The following GSE1 variants were observed in gnomAD, a reference collection of about 807,000 sequenced individuals.
The protein encoded by GSE1 is Gse1 coiled-coil protein.
A neutral mutation model predicts 112.6 loss-of-function variants in GSE1; 32 were observed. The ratio of observed to expected loss-of-function variants is 0.28; its 90% confidence interval spans 0.21 to 0.38. GSE1 has a LOEUF of 0.38. Ranked by LOEUF, GSE1 falls within the 10% of genes least tolerant of loss-of-function variation. GSE1 has a pLI of 1.00. For missense variants in GSE1, 2,348 were observed against 1,699.2 expected, an observed-to-expected ratio of 1.38 and a Z score of -6.71; for synonymous variants, 1,115 against 735.6, an observed-to-expected ratio of 1.52 and a Z score of -8.35.
At chr16:85,243,484 G>A (rs1419747923) in intron 1 of GSE1, among the ~76,000 whole-genome samples, 1 of 152,220 alleles carries the variant, frequency 6.6e-6, no homozygotes, top group African/African-American at 2.4e-5. Flanking sequence ...GTGGCGTGTG[G>A]CTGCTTGCTG....
At chr16:85,485,891 A>C (rs2050819698) in intron 2 of GSE1, among the ~76,000 whole-genome samples, 1 of 152,162 alleles carries the variant, frequency 6.6e-6, no homozygotes. Flanking sequence ...TTCTTCCCCC[A>C]AACACACACA....
Position 85,663,599 on chromosome 16 carries a change from G to C in GSE1, c.2629G>C (p.Ala877Pro), listed in dbSNP as rs754410672. ...LTIFNLTHIS[A>P]EKRKDKERLV... ...CATCTTCAACCTGACCCACATCAGC[G>C]CTGAGAAGAGGAAAGGTAGGGCCTC... Residue 877 changes from alanine to proline, a missense_variant, in exon 11 of 16, where the codon GCT (alanine) becomes CCT (proline). Ala to Pro is a conservative substitution (Grantham distance 27). Transcript: ENST00000253458. 6.2e-7 allele frequency: 1 copy of C among 1,612,768 alleles called. No homozygotes were observed. Among genetic ancestry groups the C allele is most frequent in the Non-Finnish European group, 8.5e-7 (1 of 1,179,382 alleles).
At chr16:85,287,331 C>A (rs2151433649) in intron 1 of GSE1, among the ~76,000 whole-genome samples, 1 of 152,306 alleles carries the variant, frequency 6.6e-6, no homozygotes, top group South Asian at 2.1e-4. Flanking sequence ...GCTGCCTGCC[C>A]ATCCCCCTGC....
At chr16:85,662,153 C>G (rs530788619) in intron 9 of GSE1, 1 of 175,194 alleles carries the variant, frequency 5.7e-6, no homozygotes, top group African/African-American at 2.4e-5. Context: ...GGGCCGCTGC[C>G]ACGAGCTGCA....
At chr16:85,382,951 A>ACACACGTGCACACACATGCACGCT (rs1567724569) in intron 2 of GSE1, among the ~76,000 whole-genome samples, 3 of 151,164 alleles carry the variant, frequency 2.0e-5, no homozygotes, top group Non-Finnish European at 2.9e-5. Context: ...GTACACATGC[A>ACACACGTGCACACACATGCACGCT]CACACGTGCA....
rs143440811 is a variant in GSE1, at chr16:85,648,660, C to T, written c.335C>T (p.Pro112Leu). The change falls in exon 3 of 16, where the codon CCT becomes CTT. Residue 112 changes from proline to leucine, a missense_variant. Physicochemically the swap from Pro to Leu is moderately conservative, Grantham distance 98. Coordinates refer to ENST00000253458, the MANE Select transcript of GSE1 (RefSeq NM_014615.5). ...RVPMGPIIVP[P>L]GGHSVPSTPP... is the part of the protein sequence containing the mutation. ...CCCATGGGCCCTATCATCGTCCCCCCTGGGGGCCACAGCGTGCCCAGCACC... is the reference window on the plus strand; with the variant it reads ...CCCATGGGCCCTATCATCGTCCCCCTTGGGGGCCACAGCGTGCCCAGCACC... The T allele has an allele frequency of 1.9e-6, 3 of 1,600,420 alleles. No homozygotes were observed. Among genetic ancestry groups the T allele is most frequent in the African/African-American group, 2.7e-5 (2 of 74,760 alleles).
intron 2 of GSE1, among the ~76,000 whole-genome samples, chr16:85,418,797 G>C (rs902641025): frequency 6.6e-6 from 1 of 152,198 alleles, no homozygotes; most frequent in African/African-American, 2.4e-5. Flanking sequence ...GCAGGACCAG[G>C]GTGGCAGCTT....
rs1286542254 is a variant in GSE1, at chr16:85,649,611, A to G, written c.426+860A>G. On this transcript the variant is annotated intron_variant, in intron 3 of 15. Coordinates refer to ENST00000253458, the MANE Select transcript of GSE1 (RefSeq NM_014615.5). ...CGCTGCCTGGGGCCTGTGCGCCCTC[A>G]GGTGGGTACCTGCAGCTCTCCCGGC... Among the ~76,000 whole-genome samples the G allele has an allele frequency of 4.0e-5, 6 of 151,370 alleles. No homozygotes were observed. In the East Asian group the frequency reaches 9.6e-4, roughly 24 times the overall value.
At chr16:85,614,059 A>G (rs1022340591) in intron 1 of GSE1, among the ~76,000 whole-genome samples, 1 of 47,454 alleles carries the variant, frequency 2.1e-5, no homozygotes, top group Non-Finnish European at 4.7e-5. Flanking sequence ...CTCTCCCCCC[A>G]CCCCCGGCGG....
intron 2 of GSE1, among the ~76,000 whole-genome samples, chr16:85,384,499 TC>T (rs2047641029): frequency 6.6e-6 from 1 of 152,128 alleles, no homozygotes; most frequent in South Asian, 2.1e-4. Flanking sequence ...TGTCAGAGGG[TC>T]CTGCAGTGTG....
intron 2 of GSE1, among the ~76,000 whole-genome samples, chr16:85,412,991 A>G (rs1160915875): frequency 2.6e-5 from 4 of 152,192 alleles, no homozygotes; most frequent in Admixed American, 6.5e-5. Flanking sequence ...GCAGGTTATA[A>G]TGCTGAGCCT....
chr16:85,480,362 C>T (rs1250448269), intron 2 of GSE1, among the ~76,000 whole-genome samples: 1 of 152,228 alleles, frequency 6.6e-6, no homozygotes, highest in Non-Finnish European at 1.5e-5. Context: ...TCGCTTGCTT[C>T]CTGGCCTTGC....
Position 85,666,001 on chromosome 16 carries a change from G to A in GSE1, c.2784G>A (p.Leu928=). 2 of 1,613,538 alleles carry A rather than the reference G, an allele frequency of 1.2e-6. No individual in the cohort carries two copies. The highest frequency in any genetic ancestry group is 1.7e-6 in the Non-Finnish European group (2 of 1,179,942). ...LSEPATQQAS[L]DVEKPVGVAA... is the part of the protein sequence containing the mutation. ...AACCAGCCACGCAGCAAGCCTCTCT[G>A]GATGTGGAGAAGCCGGTTGGTGTTG... The change falls in exon 13 of 16, where the codon CTG becomes CTA. Residue 928 remains leucine, a synonymous_variant. Transcript: ENST00000253458.
chr16:85,623,436 C>T (rs1302664443), intron 1 of GSE1, among the ~76,000 whole-genome samples: 1 of 152,202 alleles, frequency 6.6e-6, no homozygotes. Context: ...AACTGAGGCT[C>T]AGGCCATGCG....
chr16:85,645,279 G>A (rs531089559), intron 2 of GSE1, among the ~76,000 whole-genome samples: 2 of 152,232 alleles, frequency 1.3e-5, no homozygotes, highest in African/African-American at 4.8e-5. Flanking sequence ...GGGTGGGAGC[G>A]TGATGAGGTG....
At chr16:85,282,088 C>G (rs1034461464) in intron 1 of GSE1, among the ~76,000 whole-genome samples, 2 of 151,540 alleles carry the variant, frequency 1.3e-5, no homozygotes, top group Non-Finnish European at 2.9e-5. Flanking sequence ...AGTGCAGTGG[C>G]ACGATTTCAG....
intron 1 of GSE1, among the ~76,000 whole-genome samples, chr16:85,193,055 A>C (rs528404372): frequency 1.3e-5 from 2 of 152,272 alleles, no homozygotes; most frequent in East Asian, 1.9e-4. Flanking sequence ...TAAGGCCTCT[A>C]ATGCTTGGGA....
intron 1 of GSE1, among the ~76,000 whole-genome samples, chr16:85,620,607 C>T (rs552619096): frequency 2.6e-5 from 4 of 152,376 alleles, no homozygotes; most frequent in South Asian, 2.1e-4. Flanking sequence ...CGGGAGGGTG[C>T]GGTTAGTCAC....
At chr16:85,551,589 C>A (rs964566463), upstream of GSE1, among the ~76,000 whole-genome samples, 2 of 152,120 alleles carry the variant, frequency 1.3e-5, no homozygotes, top group South Asian at 2.1e-4. Context: ...GGGTTGCTTT[C>A]TGTTTCTCAG....
Sources: allele counts gnomAD v4.1 joint callset (sites outside exome capture counted in the v4.1 genomes callset), GRCh38; gene constraint gnomAD v4.1.1; transcripts MANE v1.5; gene names NCBI Gene and HGNC (gene_info 2026-07-23, HGNC 2026-07-21).